Variants in GRID2 observed in about 807,000 individuals in gnomAD.
GRID2 encodes the protein glutamate receptor ionotropic, delta-2.
Under a neutral mutation model 114.8 loss-of-function variants are expected in GRID2, and 33 were observed. The observed-to-expected ratio is 0.29, with a 90% CI of 0.22 to 0.38. The LOEUF (loss-of-function observed/expected upper bound fraction) is 0.38, where lower values mean the gene tolerates loss of function less well. GRID2 is among the 10% of genes least tolerant of loss of function. The pLI, the probability that GRID2 is intolerant of heterozygous loss-of-function variation, is 1.00. For missense variants in GRID2, 1,184 were observed against 1,257.7 expected, an observed-to-expected ratio of 0.94 and a Z score of 0.89; for synonymous variants, 505 against 449.9, an observed-to-expected ratio of 1.12 and a Z score of -1.55.
At chr4:92,672,300 C>T (rs931259264) in intron 2 of GRID2, among the ~76,000 whole-genome samples, 4 of 152,066 alleles carry the variant, frequency 2.6e-5, no homozygotes, top group Non-Finnish European at 5.9e-5. Flanking sequence ...TTGTTTTCAA[C>T]AAATATTTAA....
chr4:92,481,952 C>A (rs1203653689), intron 1 of GRID2, among the ~76,000 whole-genome samples: 1 of 113,298 alleles, frequency 8.8e-6, no homozygotes, highest in East Asian at 2.6e-4. Flanking sequence ...TCCATATGCC[C>A]ATCAGTGGTG....
intron 14 of GRID2, among the ~76,000 whole-genome samples, chr4:93,735,155 T>C (rs1463395087): frequency 6.6e-6 from 1 of 151,926 alleles, no homozygotes; most frequent in Middle Eastern, 3.2e-3. Context: ...GAGAAATTGT[T>C]AAGTAAAAAA....
chr4:93,075,884 T>TC (rs1491329436), intron 2 of GRID2, among the ~76,000 whole-genome samples: 596 of 11,214 alleles, frequency 0.053, 12 homozygotes, highest in African/African-American at 0.1. Flanking sequence ...GTTACCTCTC[T>TC]TTTTTTTTTT....
chr4:93,420,377 A>G (rs1768138635), intron 9 of GRID2, among the ~76,000 whole-genome samples: 2 of 152,204 alleles, frequency 1.3e-5, no homozygotes, highest in Non-Finnish European at 2.9e-5. Context: ...GTATTTGTAC[A>G]AGGCGTAATC....
chr4:92,830,854 T>C (rs943333682), intron 2 of GRID2, among the ~76,000 whole-genome samples: 16 of 152,182 alleles, frequency 1.1e-4, no homozygotes, highest in African/African-American at 1.9e-4. Context: ...ATCTGGGTAT[T>C]GCAATAATTC....
chr4:93,675,419 A>G (rs1177867390), intron 14 of GRID2, among the ~76,000 whole-genome samples: 1 of 152,198 alleles, frequency 6.6e-6, no homozygotes, highest in Non-Finnish European at 1.5e-5. Flanking sequence ...AGTGTTTAAT[A>G]AGAAAAGGTA....
intron 2 of GRID2, among the ~76,000 whole-genome samples, chr4:92,862,711 A>T (rs756525877): frequency 1.3e-4 from 20 of 152,072 alleles, no homozygotes; most frequent in Non-Finnish European, 2.1e-4. Context: ...AAAATACCTT[A>T]ATCAGCATAA....
chr4:93,089,381 C>A (rs989379276), intron 3 of GRID2, among the ~76,000 whole-genome samples: 6 of 152,108 alleles, frequency 3.9e-5, no homozygotes, highest in African/African-American at 1.4e-4. Flanking sequence ...ATGAGAAAGT[C>A]ATTGGGACAA....
At position 93,524,938 on chromosome 4, in the gene GRID2, G is replaced by A. The variant is rs927694749; in HGVS notation, c.2193+9527G>A. ...ATAAAGATGATACTACCAACCTGCTGTTGACAGAGTATGTTCTTTTAAAAT... is the reference window on the plus strand; with the variant it reads ...ATAAAGATGATACTACCAACCTGCTATTGACAGAGTATGTTCTTTTAAAAT... On this transcript the variant is annotated intron_variant, in intron 13 of 15. Coordinates refer to ENST00000282020, the MANE Select transcript of GRID2 (RefSeq NM_001510.4). 4.0e-5 allele frequency among the ~76,000 whole-genome samples: 6 copies of A among 150,802 alleles called. No homozygotes were observed. In the South Asian group the frequency reaches 1.0e-3, roughly 26 times the overall value.
intron 4 of GRID2, 95 bp from the exon 5 acceptor site, chr4:93,207,309 G>A (rs968985151): frequency 3.5e-6 from 3 of 846,980 alleles, no homozygotes; most frequent in South Asian, 1.3e-5. Flanking sequence ...TCTAACATAC[G>A]ATTCATTTTT....
chr4:93,589,996 T>C (rs371840871), intron 13 of GRID2, among the ~76,000 whole-genome samples: 4,310 of 150,706 alleles, frequency 0.029, 81 homozygotes, highest in East Asian at 0.063. Flanking sequence ...TCTCCCATTT[T>C]GTAGGTTGCC....
At chr4:93,533,537 C>CTTTTTT (rs34014956) in intron 13 of GRID2, among the ~76,000 whole-genome samples, 1 of 86,478 alleles carries the variant, frequency 1.2e-5, no homozygotes, top group Non-Finnish European at 2.2e-5. Context: ...CCACACCCAG[C>CTTTTTT]TTTTTTTTTT....
At chr4:92,317,460 C>G (rs35358234) in intron 1 of GRID2, among the ~76,000 whole-genome samples, 9,992 of 152,244 alleles carry the variant, frequency 0.066, 371 homozygotes, top group Middle Eastern at 0.14. Flanking sequence ...TCCAGTGCTT[C>G]TATTTTTCTC....
intron 2 of GRID2, among the ~76,000 whole-genome samples, chr4:92,932,982 G>C (rs777286417): frequency 1.0e-3 from 155 of 151,062 alleles, no homozygotes; most frequent in Non-Finnish European, 2.0e-3. Flanking sequence ...AATGGGAAAA[G>C]TCAGTATCTT....
At chr4:92,630,501 C>T (rs560557345) in intron 2 of GRID2, among the ~76,000 whole-genome samples, 4 of 152,146 alleles carry the variant, frequency 2.6e-5, no homozygotes, top group Admixed American at 2.0e-4. Flanking sequence ...CATATGAAAG[C>T]TTTCCTTAAC....
At chr4:92,752,567 T>G (rs966044303) in intron 2 of GRID2, among the ~76,000 whole-genome samples, 1 of 152,182 alleles carries the variant, frequency 6.6e-6, no homozygotes, top group Non-Finnish European at 1.5e-5. Flanking sequence ...TTTTAGGATA[T>G]CTGTGAAAAA....
At chr4:92,870,666 C>T (rs1391359857) in intron 2 of GRID2, among the ~76,000 whole-genome samples, 6 of 151,990 alleles carry the variant, frequency 3.9e-5, no homozygotes, top group Non-Finnish European at 5.9e-5. Flanking sequence ...AATTATAGTT[C>T]ATCTTTCATA....
At chr4:93,614,934 T>C (rs1382376432) in intron 13 of GRID2, among the ~76,000 whole-genome samples, 2 of 152,232 alleles carry the variant, frequency 1.3e-5, no homozygotes, top group African/African-American at 4.8e-5. Context: ...TCTCCGATAA[T>C]ACTTCAATGA....
intron 1 of GRID2, among the ~76,000 whole-genome samples, chr4:92,376,458 G>T (rs1729362209): frequency 6.6e-6 from 1 of 152,124 alleles, no homozygotes; most frequent in African/African-American, 2.4e-5. Context: ...GATTTCATGG[G>T]CTGGCATTGA....
Sources: allele counts gnomAD v4.1 joint callset (sites outside exome capture counted in the v4.1 genomes callset), GRCh38; gene constraint gnomAD v4.1.1; transcripts MANE v1.5; gene names NCBI Gene and HGNC (gene_info 2026-07-23, HGNC 2026-07-21).